THSD4: variants seen among roughly 807,000 people sequenced by gnomAD.
THSD4 encodes thrombospondin type-1 domain-containing protein 4.
A neutral mutation model predicts 119.0 loss-of-function variants in THSD4; 69 were observed. That is an observed-to-expected ratio of 0.58 (90% CI 0.48 to 0.71). The LOEUF is 0.71. Ranked by LOEUF, THSD4 falls within the 30% of genes least tolerant of loss-of-function variation. The pLI is 0.00. For missense variants in THSD4, 1,393 were observed against 1,391.1 expected, an observed-to-expected ratio of 1.00 and a Z score of -0.02; for synonymous variants, 524 against 540.4, an observed-to-expected ratio of 0.97 and a Z score of 0.42.
At chr15:71,444,391 A>G (rs559731856) in intron 7 of THSD4, among the ~76,000 whole-genome samples, 1 of 152,338 alleles carries the variant, frequency 6.6e-6, no homozygotes, top group Admixed American at 6.5e-5. Context: ...CGTCTCTTCT[A>G]CAGCCACTGG....
At chr15:71,448,556 T>C (rs548434894) in intron 7 of THSD4, among the ~76,000 whole-genome samples, 138 of 152,348 alleles carry the variant, frequency 9.1e-4, no homozygotes, top group African/African-American at 2.9e-3. Context: ...AATTTAAATT[T>C]AAATTATTGA....
chr15:71,500,349 A>G (rs2048091438), intron 7 of THSD4, among the ~76,000 whole-genome samples: 1 of 152,084 alleles, frequency 6.6e-6, no homozygotes, highest in Non-Finnish European at 1.5e-5. Context: ...TTGAGTTGTA[A>G]GAGTGTTTCG....
intron 7 of THSD4, among the ~76,000 whole-genome samples, chr15:71,496,119 G>A (rs948079135): frequency 5.9e-5 from 9 of 152,192 alleles, no homozygotes; most frequent in African/African-American, 2.2e-4. Flanking sequence ...AGTTTGGAAC[G>A]TCGCTTGTTC....
intron 12 of THSD4, 66 bp downstream of exon 12, chr15:71,745,301 C>T: frequency 1.3e-6 from 2 of 1,576,772 alleles, no homozygotes; most frequent in Non-Finnish European, 1.7e-6. Flanking sequence ...TGCACAGGAC[C>T]TTAGGAACAG....
intron 6 of THSD4, among the ~76,000 whole-genome samples, chr15:71,393,216 C>T (rs530685138): frequency 9.3e-5 from 14 of 151,204 alleles, no homozygotes; most frequent in East Asian, 2.0e-4. Context: ...TGGAGGGGCC[C>T]GCCCCTGCCT....
intron 9 of THSD4, chr15:71,729,521 T>C (rs1489119261): frequency 6.6e-6 from 1 of 152,196 alleles, no homozygotes; most frequent in Non-Finnish European, 1.5e-5. Flanking sequence ...ATTAATTGCA[T>C]TGTCATTACT....
At chr15:71,626,441 C>A (rs1427243669) in intron 7 of THSD4, among the ~76,000 whole-genome samples, 1 of 152,148 alleles carries the variant, frequency 6.6e-6, no homozygotes, top group Admixed American at 6.5e-5. Context: ...GTGGTGGTTT[C>A]TGTGGAGGTA....
intron 7 of THSD4, among the ~76,000 whole-genome samples, chr15:71,604,089 G>T (rs947252509): frequency 1.3e-5 from 2 of 152,126 alleles, no homozygotes; most frequent in Non-Finnish European, 2.9e-5. Flanking sequence ...CTGAAGATGG[G>T]CATGAAAAAT....
chr15:71,284,212 A>G (rs557715205), intron 6 of THSD4, among the ~76,000 whole-genome samples: 1 of 152,220 alleles, frequency 6.6e-6, no homozygotes, highest in Non-Finnish European at 1.5e-5. Flanking sequence ...GTTTGTCTTA[A>G]TAGAAAAATG....
Position 71,655,772 on chromosome 15 carries a change from G to C in THSD4, c.1153-4758G>C, listed in dbSNP as rs2051178281. Among the ~76,000 whole-genome samples the C allele has an allele frequency of 2.0e-5, 3 of 152,208 alleles. No homozygotes were observed. In the South Asian group the frequency reaches 6.2e-4, roughly 31 times the overall value. On this transcript the variant is annotated intron_variant, in intron 7 of 17. Coordinates refer to ENST00000261862, the MANE Select transcript of THSD4 (RefSeq NM_024817.3). ...ACCCAAAGCAGTGGTGCCTCGGAAAGAGTCTAGACATAGGTCAGCACTAAG... is the reference window on the plus strand; with the variant it reads ...ACCCAAAGCAGTGGTGCCTCGGAAACAGTCTAGACATAGGTCAGCACTAAG...
chr15:71,389,963 C>G (rs1260411546), intron 6 of THSD4, among the ~76,000 whole-genome samples: 3 of 151,898 alleles, frequency 2.0e-5, no homozygotes, highest in Non-Finnish European at 4.4e-5. Context: ...CACCACCACA[C>G]CCAGCTAATT....
chr15:71,568,393 A>T (rs947910054), intron 7 of THSD4, among the ~76,000 whole-genome samples: 1 of 152,122 alleles, frequency 6.6e-6, no homozygotes, highest in African/African-American at 2.4e-5. Flanking sequence ...TTGAAGGCCA[A>T]GTAGGATCCC....
intron 5 of THSD4, among the ~76,000 whole-genome samples, chr15:71,247,759 G>A (rs2044218307): frequency 6.6e-6 from 1 of 152,194 alleles, no homozygotes; most frequent in Non-Finnish European, 1.5e-5. Flanking sequence ...CGGAAGTCAT[G>A]ATTAATCCGC....
At chr15:71,326,688 AAAAAAAAAAAAAATATATAT>A (rs1311606545) in intron 6 of THSD4, among the ~76,000 whole-genome samples, 350 of 20,150 alleles carry the variant, frequency 0.017, 24 homozygotes, top group African/African-American at 0.03. Flanking sequence ...AAAAAAAAAA[AAAAAAAAAAAAAATATATAT>A]ATATATATAT....
chr15:71,551,551 A>G (rs1350158040), intron 7 of THSD4, among the ~76,000 whole-genome samples: 1 of 152,220 alleles, frequency 6.6e-6, no homozygotes, highest in Admixed American at 6.5e-5. Flanking sequence ...TGGCAATCAC[A>G]GCTATGATTT....
chr15:71,275,519 C>G (rs150681341), intron 6 of THSD4, among the ~76,000 whole-genome samples: 1 of 152,310 alleles, frequency 6.6e-6, no homozygotes, highest in East Asian at 1.9e-4. Flanking sequence ...GTTAGATTTA[C>G]AACTACGGTG....
At chr15:71,230,609 C>T (rs2044053135) in intron 4 of THSD4, among the ~76,000 whole-genome samples, 1 of 152,216 alleles carries the variant, frequency 6.6e-6, no homozygotes, top group Non-Finnish European at 1.5e-5. Context: ...GAATGACTTG[C>T]CCACAATAAC....
chr15:71,741,118 T>C (rs534488010), intron 11 of THSD4, among the ~76,000 whole-genome samples: 16 of 152,330 alleles, frequency 1.1e-4, no homozygotes, highest in African/African-American at 3.8e-4. Context: ...CTTTATTGTA[T>C]CCTAGATATA....
chr15:71,570,688 C>G (rs973606557), intron 7 of THSD4, among the ~76,000 whole-genome samples: 4 of 152,194 alleles, frequency 2.6e-5, no homozygotes, highest in African/African-American at 9.7e-5. Flanking sequence ...GCTTTAGGAT[C>G]TTAAGCTGAG....
Sources: allele counts gnomAD v4.1 joint callset (sites outside exome capture counted in the v4.1 genomes callset), GRCh38; gene constraint gnomAD v4.1.1; transcripts MANE v1.5; gene names NCBI Gene and HGNC (gene_info 2026-07-23, HGNC 2026-07-21).